Variants in TNFAIP8 observed in about 807,000 individuals in gnomAD.
The protein encoded by TNFAIP8 is tumor necrosis factor alpha-induced protein 8.
Under a neutral mutation model 13.3 loss-of-function variants are expected in TNFAIP8, and 7 were observed. The observed-to-expected ratio is 0.52, with a 90% CI of 0.30 to 0.99. The LOEUF is 0.99. Among genes scored for constraint, TNFAIP8 ranks in the 50% least tolerant of loss-of-function variants. The pLI, the probability that TNFAIP8 is intolerant of heterozygous loss-of-function variation, is 0.07. For synonymous variants in TNFAIP8, 94 were observed against 87.6 expected (o/e 1.07, Z -0.41); for missense variants, 258 against 236.9 (o/e 1.09, Z -0.58).
At position 119,397,227 on chromosome 5, in the gene TNFAIP8, T is replaced by G. The variant is rs376563186; in HGVS notation, c.*3846T>G. The G allele has an allele frequency of 3.9e-5, 6 of 152,214 alleles. No homozygotes were observed. Among genetic ancestry groups the G allele is most frequent in the African/African-American group, 1.4e-4 (6 of 41,538 alleles). The allele number at this position is 152,214 out of a possible 1,614,324, so 9.4% of individuals were successfully genotyped here. Reference sequence around the variant, plus strand: ...CGGTCAGTTGGATTTTTACTAAGAATTTTAATTTATCCTTGAGATACTTGA... The same window carrying G: ...CGGTCAGTTGGATTTTTACTAAGAAGTTTAATTTATCCTTGAGATACTTGA... On this transcript the variant is annotated 3_prime_UTR_variant, in exon 2 of 2. Transcript: ENST00000504771.
chr5:119,315,148 T>C (rs1314854317), intron 1 of TNFAIP8, among the ~76,000 whole-genome samples: 1 of 152,230 alleles, frequency 6.6e-6, no homozygotes, highest in Admixed American at 6.5e-5. Context: ...AGTGGTGCGA[T>C]CTCAGCTCAC....
intron 1 of TNFAIP8, among the ~76,000 whole-genome samples, chr5:119,285,107 C>T (rs976948238): frequency 2.6e-5 from 4 of 151,892 alleles, no homozygotes; most frequent in African/African-American, 9.7e-5. Flanking sequence ...AAGCAAAGGA[C>T]GCAGCCATTA....
At chr5:119,391,011 TG>T (rs1414811667) in intron 1 of TNFAIP8, among the ~76,000 whole-genome samples, 1 of 151,520 alleles carries the variant, frequency 6.6e-6, no homozygotes, top group Non-Finnish European at 1.5e-5. Flanking sequence ...TGTAGTTTTT[TG>T]TTGCAATGGG....
Position 119,281,545 on chromosome 5 carries a change from C to G in TNFAIP8, c.1+12638C>G, listed in dbSNP as rs554720654. On this transcript the variant is annotated intron_variant, in intron 1 of 1. Transcript: ENST00000274456. ...TTACCCCATATTACACACAAATCGT[C>G]TCCAAATAATGACATTAATACTACC... Among the ~76,000 whole-genome samples, 274 of 152,244 alleles carry G rather than the reference C, an allele frequency of 1.8e-3. 1 individual carries two copies. The highest frequency in any genetic ancestry group is 6.3e-3 in the African/African-American group (263 of 41,544).
At chr5:119,318,479 A>G (rs1749961980) in intron 1 of TNFAIP8, among the ~76,000 whole-genome samples, 1 of 151,626 alleles carries the variant, frequency 6.6e-6, no homozygotes, top group African/African-American at 2.4e-5. Flanking sequence ...TTATTTTTGT[A>G]GAGACGGGGT....
intron 1 of TNFAIP8, among the ~76,000 whole-genome samples, chr5:119,322,568 C>T (rs938671811): frequency 6.6e-6 from 1 of 152,230 alleles, no homozygotes; most frequent in Non-Finnish European, 1.5e-5. Context: ...CTCTTCCTGA[C>T]CATTCCAAAC....
chr5:119,371,164 T>A (rs537186249), intron 1 of TNFAIP8, among the ~76,000 whole-genome samples: 93 of 152,336 alleles, frequency 6.1e-4, no homozygotes, highest in African/African-American at 2.2e-3. Context: ...TTTGATACAT[T>A]AACAAGGAAG....
intron 1 of TNFAIP8, among the ~76,000 whole-genome samples, chr5:119,300,006 G>C (rs1004951968): frequency 6.6e-6 from 1 of 152,202 alleles, no homozygotes; most frequent in Non-Finnish European, 1.5e-5. Context: ...TCCAGGTGCC[G>C]TCTGTCACCC....
At chr5:119,361,172 C>T (rs538055022) in intron 1 of TNFAIP8, among the ~76,000 whole-genome samples, 103 of 152,318 alleles carry the variant, frequency 6.8e-4, no homozygotes, top group Non-Finnish European at 1.2e-3. Flanking sequence ...GCAGCAGGCC[C>T]GGTGCACTCT....
At chr5:119,364,744 A>G (rs1024117514) in intron 1 of TNFAIP8, among the ~76,000 whole-genome samples, 1 of 152,038 alleles carries the variant, frequency 6.6e-6, no homozygotes, top group Admixed American at 6.5e-5. Context: ...ATATAACAGT[A>G]TCACACAGCT....
intron 1 of TNFAIP8, among the ~76,000 whole-genome samples, chr5:119,276,954 A>G (rs535257324): frequency 1.4e-4 from 22 of 152,286 alleles, no homozygotes; most frequent in African/African-American, 4.8e-4. Context: ...TATAAGCTAT[A>G]TTTTTTCCTA....
intron 1 of TNFAIP8, among the ~76,000 whole-genome samples, chr5:119,294,377 C>T (rs1161016024): frequency 6.6e-6 from 1 of 152,134 alleles, no homozygotes; most frequent in Non-Finnish European, 1.5e-5. Context: ...AACATGAACT[C>T]ATCATTTTTT....
At chr5:119,381,670 G>A (rs1023392086) in intron 1 of TNFAIP8, among the ~76,000 whole-genome samples, 15 of 152,156 alleles carry the variant, frequency 9.9e-5, no homozygotes, top group Non-Finnish European at 1.5e-4. Flanking sequence ...CCAGGGTCCC[G>A]GGTAAGATTT....
chr5:119,283,188 T>G (rs561689259), intron 1 of TNFAIP8, among the ~76,000 whole-genome samples: 244 of 152,394 alleles, frequency 1.6e-3, no homozygotes, highest in South Asian at 7.5e-3. Flanking sequence ...CCTGGTTCAC[T>G]CACCCTGTTA....
chr5:119,344,428 C>T (rs1480006737), intron 1 of TNFAIP8, among the ~76,000 whole-genome samples: 1 of 152,198 alleles, frequency 6.6e-6, no homozygotes, highest in African/African-American at 2.4e-5. Flanking sequence ...CAGGCCCCAC[C>T]TCCATCACAT....
intron 1 of TNFAIP8, among the ~76,000 whole-genome samples, chr5:119,304,769 T>A (rs1313081643): frequency 6.6e-6 from 1 of 152,268 alleles, no homozygotes; most frequent in Non-Finnish European, 1.5e-5. Context: ...CTATATCAAC[T>A]GTGTAGCACA....
At chr5:119,318,251 T>G (rs1348123203) in intron 1 of TNFAIP8, among the ~76,000 whole-genome samples, 1 of 151,910 alleles carries the variant, frequency 6.6e-6, no homozygotes, top group African/African-American at 2.4e-5. Flanking sequence ...TTTCAAGTGG[T>G]ACCTTTAGTG....
At chr5:119,363,298 G>C (rs1751701839) in intron 1 of TNFAIP8, among the ~76,000 whole-genome samples, 1 of 152,152 alleles carries the variant, frequency 6.6e-6, no homozygotes, top group Non-Finnish European at 1.5e-5. Context: ...TAAGGGATGG[G>C]AATATATCAT....
At chr5:119,274,096 T>C (rs1275231575) in intron 1 of TNFAIP8, among the ~76,000 whole-genome samples, 1 of 152,148 alleles carries the variant, frequency 6.6e-6, no homozygotes, top group African/African-American at 2.4e-5. Flanking sequence ...AGACAGAGAT[T>C]GTGGTGTGTG....
Sources: gnomAD v4.1 joint callset for allele counts (sites outside exome capture counted in the v4.1 genomes callset) on GRCh38, gnomAD v4.1.1 for gene constraint, MANE v1.5 for transcripts, NCBI Gene and HGNC (gene_info 2026-07-23, HGNC 2026-07-21) for gene names.